The following KRT80 variants were observed in gnomAD, a reference collection of about 807,000 sequenced individuals.
KRT80 encodes keratin 80.
Under a neutral mutation model 51.5 loss-of-function variants are expected in KRT80, and 36 were observed. The observed-to-expected ratio is 0.70, with a 90% CI of 0.54 to 0.92. KRT80 has a LOEUF of 0.92. Ranked by LOEUF, KRT80 falls within the 40% of genes least tolerant of loss-of-function variation. KRT80 has a pLI of 0.00. For synonymous variants in KRT80, 235 were observed against 248.3 expected, an observed-to-expected ratio of 0.95 and a Z score of 0.50; for missense variants, 566 against 591.7, an observed-to-expected ratio of 0.96 and a Z score of 0.45.
In KRT80 at chr12:52,185,507, G is replaced by T. The variant is rs771877553; in HGVS notation, c.381C>A (p.Asp127Glu). The T allele has an allele frequency of 6.2e-7, 1 of 1,613,812 alleles. No individual in the cohort carries two copies. Residue 127 changes from aspartate to glutamate, a missense_variant, in exon 2 of 9, where the codon GAC becomes GAA. Asp to Glu is a conservative substitution (Grantham distance 45). Transcript: ENST00000394815. The stretch of plus-strand genomic sequence containing the variant: ...GATATTCCTCATAGAGATGCCCGAG[G>T]TCGAAGATGGCTGAGTCCTGGCCCT... Reference protein sequence around the residue: ...FLQGQDSAIFDLGHLYEEYQG... With the variant: ...FLQGQDSAIFELGHLYEEYQG...
intron 5 of KRT80, 88 bp from the exon 6 acceptor site, chr12:52,173,251 A>G (rs1941150556): frequency 1.4e-6 from 2 of 1,411,078 alleles, no homozygotes; most frequent in Non-Finnish European, 9.3e-7. Context: ...TGCATCCTCC[A>G]GTCCCATCTC....
intron 2 of KRT80, among the ~76,000 whole-genome samples, chr12:52,182,157 C>A (rs982554843): frequency 2.0e-5 from 3 of 152,180 alleles, no homozygotes; most frequent in Non-Finnish European, 4.4e-5. Context: ...CTGTTAGGGG[C>A]TTTGATGGTA....
chr12:52,180,902 C>T lies in KRT80; in HGVS notation c.570+1G>A. 1.3e-6 allele frequency: 2 copies of T among 1,588,876 alleles called. No individual in the cohort carries two copies. The highest frequency in any genetic ancestry group is 1.7e-6 in the Non-Finnish European group (2 of 1,171,336). ...CCCCTGGGGCAGGCTGGGCAGGCTA[C>T]CTTCTTCAGCTGAACAAAGGTGAAC... On this transcript the variant is annotated splice_donor_variant, in intron 3 of 8. Transcript: ENST00000394815. LOFTEE classifies it high-confidence loss of function.
At chr12:52,177,379 G>T (rs1228194235) in intron 4 of KRT80, among the ~76,000 whole-genome samples, 6 of 152,148 alleles carry the variant, frequency 3.9e-5, no homozygotes, top group African/African-American at 1.2e-4. Flanking sequence ...GGCTGCAGGG[G>T]GTTGTCAGCA....
In KRT80 at chr12:52,171,023, G is replaced by C. The variant is rs1941086264; in HGVS notation, c.*375C>G. The C allele has an allele frequency of 5.7e-6, 1 of 176,908 alleles. No individual in the cohort carries two copies. The highest frequency in any genetic ancestry group is 1.2e-5 in the Non-Finnish European group (1 of 82,974). 11.0% of individuals were successfully genotyped at this position (176,908 alleles called of 1,614,324 possible). A position where few individuals can be genotyped will look rare whatever the true frequency, so the allele number is the denominator to read the frequency against. ...AGGCAAGGCTTGAGATAGGAGTCAA[G>C]GTCAAGGATTGGGCAAGAGTCAGAG... On this transcript the variant is annotated 3_prime_UTR_variant, in exon 9 of 9. Transcript: ENST00000394815.
intron 1 of KRT80, 62 bp from the exon 2 acceptor site, chr12:52,185,649 G>T: frequency 6.4e-7 from 1 of 1,566,892 alleles, no homozygotes; most frequent in Non-Finnish European, 8.6e-7. Flanking sequence ...TGAGGCCCCG[G>T]GCTGACCAGC....
In KRT80 at chr12:52,185,473, G is replaced by A. The variant is rs1265822042; in HGVS notation, c.415C>T (p.Leu139=). The change falls in exon 2 of 9, where the codon CTG becomes TTG. Residue 139 remains leucine (L), a synonymous_variant. Coordinates refer to ENST00000394815, the MANE Select transcript of KRT80 (RefSeq NM_182507.3). ...GHLYEEYQGR[L]QEELRKVSQE... ...CTCACTTTGCGCAGTTCCTCCTGCAGCCGGCCCTGATATTCCTCATAGAGA... is the reference window on the plus strand; with the variant it reads ...CTCACTTTGCGCAGTTCCTCCTGCAACCGGCCCTGATATTCCTCATAGAGA... 6.2e-7 allele frequency: 1 copy of A among 1,614,038 alleles called. No individual in the cohort carries two copies. Among genetic ancestry groups the A allele is most frequent in the Non-Finnish European group, 8.5e-7 (1 of 1,180,030 alleles).
Position 52,173,049 on chromosome 12 carries a change from C to A in KRT80, c.946G>T (p.Val316Phe), listed in dbSNP as rs769157520. Residue 316 changes from valine to phenylalanine, a missense_variant, in exon 6 of 9, where the codon GTC becomes TTC. Physicochemically the swap from Val to Phe is conservative, Grantham distance 50 (BLOSUM62 -1). Transcript: ENST00000394815. ...CCCCAGATACTCACATGGCTCTTGA[C>A]AGAGAGGATCTGGGACCGCAGCTTC... Reference protein sequence around the residue: ...IQKLRSQILSVKSHCLKLEEN... With the variant: ...IQKLRSQILSFKSHCLKLEEN... The A allele has an allele frequency of 3.1e-6, 5 of 1,611,336 alleles. No individual in the cohort carries two copies. The highest frequency in any genetic ancestry group is 4.2e-6 in the Non-Finnish European group (5 of 1,178,100).
Position 52,171,436 on chromosome 12 carries a change from C to G in KRT80, c.1321G>C (p.Glu441Gln), listed in dbSNP as rs1002565167. 1 of 1,611,738 alleles carries G rather than the reference C, an allele frequency of 6.2e-7. No individual in the cohort carries two copies. Among genetic ancestry groups the G allele is most frequent in the Non-Finnish European group, 8.5e-7 (1 of 1,178,944 alleles). ...TCCGACTCCTGCGAGAAGTACTTCT[C>G]TGACATTTCGGTGATTTTGATCACG... ...GPVIKITEMSEKYFSQESEVS... is the reference protein window; with the variant it reads ...GPVIKITEMSQKYFSQESEVS... Residue 441 changes from glutamate (E) to glutamine (Q), a missense_variant, in exon 9 of 9, where the codon GAG becomes CAG. Transcript: ENST00000394815.
chr12:52,173,759 C>T lies in KRT80; in HGVS notation c.672G>A (p.Leu224=), dbSNP rs1565692408. 2 of 1,610,188 alleles carry T rather than the reference C, an allele frequency of 1.2e-6. No homozygotes were observed. Among genetic ancestry groups the T allele is most frequent in the East Asian group, 4.5e-5 (2 of 44,882 alleles). The change falls in exon 5 of 9, where the codon CTG becomes CTA. Residue 224 remains leucine (L), a synonymous_variant. Coordinates refer to ENST00000394815, the MANE Select transcript of KRT80 (RefSeq NM_182507.3). ...CCTTCACCTGTGCTGCCAGGTCCTT[C>T]AGCTCCTGACCGGGCACAGATGTGG... ...ELMKTIYEQE[L]KDLAAQVKDV...
chr12:52,177,152 G>C (rs963790011), intron 4 of KRT80, among the ~76,000 whole-genome samples: 1 of 152,320 alleles, frequency 6.6e-6, no homozygotes, highest in South Asian at 2.1e-4. Context: ...AATTAACTGA[G>C]ATTAAGTCCG....
At chr12:52,180,831 T>C (rs766404092) in intron 3 of KRT80, 72 bp downstream of exon 3, 2 of 1,608,202 alleles carry the variant, frequency 1.2e-6, no homozygotes, top group East Asian at 2.2e-5. Flanking sequence ...TAAAGGAGAG[T>C]AGGATATCTG....
In KRT80 at chr12:52,170,884, C is replaced by T. The variant is rs781123331; in HGVS notation, c.*514G>A. The T allele has an allele frequency of 4.0e-4, 62 of 156,514 alleles. 1 individual carries two copies. The highest frequency in any genetic ancestry group is 2.8e-4 in the Non-Finnish European group (20 of 70,690). The allele number at this position is 156,514 out of a possible 1,614,324, so 9.7% of individuals were successfully genotyped here. A position where few individuals can be genotyped will look rare whatever the true frequency, so the allele number is the denominator to read the frequency against. On this transcript the variant is annotated 3_prime_UTR_variant, in exon 9 of 9. Coordinates refer to ENST00000394815, the MANE Select transcript of KRT80 (RefSeq NM_182507.3). ...AGCACGGGAAAGCCAAGAGGGTCTTCAGCAGCCAGCCTTCCCAGGAATTCC... is the reference window on the plus strand; with the variant it reads ...AGCACGGGAAAGCCAAGAGGGTCTTTAGCAGCCAGCCTTCCCAGGAATTCC...
chr12:52,169,733 T>A lies in KRT80; in HGVS notation c.*1665A>T, dbSNP rs1342654917. On this transcript the variant is annotated 3_prime_UTR_variant, in exon 9 of 9. Coordinates refer to ENST00000394815, the MANE Select transcript of KRT80 (RefSeq NM_182507.3). ...AATAATATATACTTTATATGTCTTG[T>A]ATCCCCACTGAGGATTTGCTCCCTT... is the stretch of plus-strand genomic sequence containing the variant. 6.6e-6 allele frequency: 1 copy of A among 152,252 alleles called. No individual in the cohort carries two copies. Among genetic ancestry groups the A allele is most frequent in the Non-Finnish European group, 1.5e-5 (1 of 68,042 alleles). 9.4% of individuals were successfully genotyped at this position (152,252 alleles called of 1,614,324 possible).
Position 52,172,903 on chromosome 12 carries a change from T to C in KRT80, c.957+135A>G, listed in dbSNP as rs1276699696. ...TGTGCTATTATCCCATTTGACAGATTAGGAAACTGAGGCACAGAGGCGCTA... is the reference window on the plus strand; with the variant it reads ...TGTGCTATTATCCCATTTGACAGATCAGGAAACTGAGGCACAGAGGCGCTA... On this transcript the variant is annotated intron_variant, in intron 6 of 8. Coordinates refer to ENST00000394815, the MANE Select transcript of KRT80 (RefSeq NM_182507.3). The C allele has an allele frequency of 3.0e-6, 3 of 1,007,510 alleles. No individual in the cohort carries two copies. In the African/African-American group the frequency reaches 4.9e-5, roughly 16 times the overall value. The allele number at this position is 1,007,510 out of a possible 1,614,324, so 62.4% of individuals were successfully genotyped here. A position where few individuals can be genotyped will look rare whatever the true frequency, so the allele number is the denominator to read the frequency against.
chr12:52,176,637 T>C (rs1385959564), intron 4 of KRT80, among the ~76,000 whole-genome samples: 1 of 152,090 alleles, frequency 6.6e-6, no homozygotes, highest in Non-Finnish European at 1.5e-5. Flanking sequence ...ATGCGCCACC[T>C]CACCCAGCTA....
At chr12:52,187,707 G>T (rs545708471) in intron 1 of KRT80, among the ~76,000 whole-genome samples, 2 of 152,254 alleles carry the variant, frequency 1.3e-5, no homozygotes, top group East Asian at 3.9e-4. Context: ...CAGCCAAACA[G>T]GTTCAGTAGG....
intron 5 of KRT80, 142 bp downstream of exon 5, chr12:52,173,458 C>CCGGCCA: frequency 1.3e-6 from 1 of 792,248 alleles, no homozygotes; most frequent in East Asian, 2.6e-5. Flanking sequence ...CCGCCCGCCC[C>CCGGCCA]GTCCCTGTGC....
intron 1 of KRT80, among the ~76,000 whole-genome samples, chr12:52,187,122 G>A (rs2120942368): frequency 6.6e-6 from 1 of 152,362 alleles, no homozygotes; most frequent in East Asian, 1.9e-4. Context: ...CATGAGGGCA[G>A]GCCATGAGGT....
Sources: gnomAD v4.1 joint callset for allele counts (sites outside exome capture counted in the v4.1 genomes callset) on GRCh38, gnomAD v4.1.1 for gene constraint, MANE v1.5 for transcripts, NCBI Gene and HGNC (gene_info 2026-07-23, HGNC 2026-07-21) for gene names.